The following MTUS2 variants were observed in gnomAD, a reference collection of about 807,000 sequenced individuals.
The protein encoded by MTUS2 is microtubule associated scaffold protein 2.
A neutral mutation model predicts 114.1 loss-of-function variants in MTUS2; 40 were observed. That is an observed-to-expected ratio of 0.35 (90% confidence interval 0.27 to 0.46). MTUS2 has a LOEUF of 0.46. Among genes scored for constraint, MTUS2 ranks in the 20% least tolerant of loss-of-function variants. The pLI, the probability that MTUS2 is intolerant of heterozygous loss-of-function variation, is 1.00. For synonymous variants in MTUS2, 688 were observed against 672.0 expected (o/e 1.02, Z -0.37); for missense variants, 1,679 against 1,705.4 (o/e 0.98, Z 0.27).
intron 1 of MTUS2, among the ~76,000 whole-genome samples, chr13:28,833,605 C>A (rs570575340): frequency 1.1e-4 from 16 of 152,208 alleles, no homozygotes; most frequent in African/African-American, 3.8e-4. Context: ...CAGCTAACAT[C>A]GTACTTGTGA....
chr13:29,177,817 T>A (rs1289500598), intron 5 of MTUS2, among the ~76,000 whole-genome samples: 2 of 152,182 alleles, frequency 1.3e-5, no homozygotes, highest in Non-Finnish European at 2.9e-5. Flanking sequence ...CTCCAATGTG[T>A]GCTCAGATGA....
chr13:29,126,264 T>C (rs772492141), intron 5 of MTUS2, among the ~76,000 whole-genome samples: 3 of 152,174 alleles, frequency 2.0e-5, no homozygotes, highest in Non-Finnish European at 2.9e-5. Flanking sequence ...TTCAATCCCA[T>C]GTGAAGAGTT....
chr13:29,268,855 G>C (rs1342072356), intron 5 of MTUS2, among the ~76,000 whole-genome samples: 2 of 152,124 alleles, frequency 1.3e-5, no homozygotes, highest in African/African-American at 4.8e-5. Flanking sequence ...TCAGCCTCCT[G>C]AGTAGCTGGG....
At chr13:29,003,717 G>T (rs1435372481) in intron 2 of MTUS2, among the ~76,000 whole-genome samples, 2 of 152,158 alleles carry the variant, frequency 1.3e-5, no homozygotes, top group East Asian at 3.9e-4. Context: ...AGGTCACTTT[G>T]TGCAGAAAAG....
At chr13:29,230,979 A>G (rs1896300651) in intron 5 of MTUS2, among the ~76,000 whole-genome samples, 1 of 152,138 alleles carries the variant, frequency 6.6e-6, no homozygotes, top group South Asian at 2.1e-4. Flanking sequence ...TTTAGAAAAT[A>G]TCTTTAATAC....
chr13:29,074,897 G>A (rs937076798), intron 4 of MTUS2, among the ~76,000 whole-genome samples: 1 of 152,054 alleles, frequency 6.6e-6, no homozygotes, highest in East Asian at 1.9e-4. Flanking sequence ...ACCATTTAAA[G>A]CATAAATTCA....
chr13:29,371,514 G>C (rs931140743), intron 8 of MTUS2, among the ~76,000 whole-genome samples: 4 of 152,076 alleles, frequency 2.6e-5, no homozygotes, highest in African/African-American at 9.7e-5. Flanking sequence ...CACTGTGCCC[G>C]GCCTCTTCAC....
intron 6 of MTUS2, chr13:29,307,102 G>T: frequency 2.1e-6 from 1 of 480,058 alleles, no homozygotes; most frequent in Admixed American, 2.4e-5. Context: ...GGAGAAGTCT[G>T]GGGCTCACTT....
intron 7 of MTUS2, among the ~76,000 whole-genome samples, chr13:29,325,710 G>T (rs1316498393): frequency 6.6e-6 from 1 of 152,176 alleles, no homozygotes; most frequent in East Asian, 1.9e-4. Flanking sequence ...TAATGTTTGA[G>T]CTCTAACTGC....
At chr13:29,037,747 T>G (rs372459648) in intron 4 of MTUS2, among the ~76,000 whole-genome samples, 2 of 152,216 alleles carry the variant, frequency 1.3e-5, no homozygotes, top group South Asian at 2.1e-4. Context: ...TCTTCATGCT[T>G]TATTTCATTA....
At chr13:29,502,724 TCTGTCCA>T (rs1882989396) in intron 15 of MTUS2, among the ~76,000 whole-genome samples, 1 of 152,232 alleles carries the variant, frequency 6.6e-6, no homozygotes, top group African/African-American at 2.4e-5. Flanking sequence ...TGGCCTTTGC[TCTGTCCA>T]GTGGACAGCC....
At chr13:28,833,342 T>C (rs956927200) in intron 1 of MTUS2, among the ~76,000 whole-genome samples, 3 of 151,966 alleles carry the variant, frequency 2.0e-5, no homozygotes, top group Non-Finnish European at 2.9e-5. Flanking sequence ...ATCAGCAACA[T>C]ATAAAAAGGT....
At chr13:29,401,245 G>A (rs907707329) in intron 8 of MTUS2, among the ~76,000 whole-genome samples, 47 of 152,116 alleles carry the variant, frequency 3.1e-4, no homozygotes, top group Non-Finnish European at 3.1e-4. Flanking sequence ...CTCGGGTGAC[G>A]CACCCACCTA....
chr13:29,256,564 C>T (rs1358887770), intron 5 of MTUS2, among the ~76,000 whole-genome samples: 2 of 152,220 alleles, frequency 1.3e-5, no homozygotes, highest in Admixed American at 1.3e-4. Context: ...TCAGGGTCTG[C>T]ACATATAGCT....
chr13:28,846,657 G>T (rs918911702), intron 2 of MTUS2, among the ~76,000 whole-genome samples: 2 of 152,178 alleles, frequency 1.3e-5, no homozygotes, highest in Non-Finnish European at 2.9e-5. Flanking sequence ...AGCAGTTCTT[G>T]TATATGCATT....
intron 9 of MTUS2, among the ~76,000 whole-genome samples, chr13:29,469,166 C>T (rs1396350207): frequency 2.0e-5 from 3 of 152,180 alleles, no homozygotes; most frequent in East Asian, 3.9e-4. Flanking sequence ...GTGGACGGAG[C>T]CTGGGCCAGA....
At chr13:29,434,142 G>A (rs1368544782) in intron 8 of MTUS2, among the ~76,000 whole-genome samples, 3 of 152,238 alleles carry the variant, frequency 2.0e-5, no homozygotes, top group African/African-American at 4.8e-5. Flanking sequence ...AAAAAATCAG[G>A]TGGGGAAGAA....
intron 4 of MTUS2, among the ~76,000 whole-genome samples, chr13:29,099,161 G>A (rs1890304744): frequency 6.6e-6 from 1 of 152,162 alleles, no homozygotes; most frequent in African/African-American, 2.4e-5. Flanking sequence ...CATTAAACGT[G>A]GCATAAATTG....
chr13:29,318,372 T>C (rs1266229212), intron 6 of MTUS2, among the ~76,000 whole-genome samples: 1 of 142,078 alleles, frequency 7.0e-6, no homozygotes, highest in Non-Finnish European at 1.5e-5. Flanking sequence ...TTAGCTATTA[T>C]CATTTGTTAT....
Sources: allele counts gnomAD v4.1 joint callset (sites outside exome capture counted in the v4.1 genomes callset), GRCh38; gene constraint gnomAD v4.1.1; transcripts MANE v1.5; gene names NCBI Gene and HGNC (gene_info 2026-07-23, HGNC 2026-07-21).